Variants in LIPC observed in about 807,000 individuals in gnomAD.
LIPC encodes hepatic triacylglycerol lipase.
LIPC carries 44 observed loss-of-function variants against 50.7 expected under a neutral mutation model. The ratio of observed to expected loss-of-function variants is 0.87; its 90% CI spans 0.68 to 1.11. LIPC has a LOEUF of 1.11. Among genes scored for constraint, LIPC ranks in the 50% most tolerant of loss-of-function variants. The pLI is 0.00. For synonymous variants in LIPC, 271 were observed against 256.4 expected (o/e 1.06, Z -0.54); for missense variants, 697 against 648.2 (o/e 1.08, Z -0.82).
intron 1 of LIPC, among the ~76,000 whole-genome samples, chr15:58,477,116 A>G (rs1488549340): frequency 6.6e-6 from 1 of 152,178 alleles, no homozygotes; most frequent in East Asian, 1.9e-4. Flanking sequence ...TTTCCCTTCG[A>G]CTATAGTCCA....
chr15:58,541,623 G>A (rs1237561877), intron 2 of LIPC, 162 bp from the exon 3 acceptor site: 2 of 732,956 alleles, frequency 2.7e-6, no homozygotes, highest in Non-Finnish European at 4.7e-6. Flanking sequence ...GCCCAAGACA[G>A]CCCCCACAAC....
chr15:58,457,630 A>G (rs1035685632), intron 1 of LIPC, among the ~76,000 whole-genome samples: 2 of 152,174 alleles, frequency 1.3e-5, no homozygotes, highest in Non-Finnish European at 2.9e-5. Context: ...AAAGCTTTCT[A>G]TGACTCAGGC....
intron 1 of LIPC, among the ~76,000 whole-genome samples, chr15:58,458,298 A>G (rs1246516316): frequency 6.6e-6 from 1 of 152,212 alleles, no homozygotes; most frequent in Non-Finnish European, 1.5e-5. Context: ...AAGTTTAGCA[A>G]TGGACTTCCC....
At chr15:58,450,838 G>A (rs1218977856) in intron 1 of LIPC, among the ~76,000 whole-genome samples, 1 of 152,178 alleles carries the variant, frequency 6.6e-6, no homozygotes, top group Non-Finnish European at 1.5e-5. Flanking sequence ...TTTCCCTGCA[G>A]CAGTCAGGGT....
chr15:58,504,016 G>T (rs193155207), intron 1 of LIPC, among the ~76,000 whole-genome samples: 66 of 152,258 alleles, frequency 4.3e-4, no homozygotes, highest in African/African-American at 1.5e-3. Context: ...TTCAAGATAT[G>T]ACAGGACATC....
At chr15:58,537,360 G>C (rs1893160605) in intron 1 of LIPC, among the ~76,000 whole-genome samples, 1 of 152,190 alleles carries the variant, frequency 6.6e-6, no homozygotes, top group African/African-American at 2.4e-5. Context: ...CCAGAAGAGA[G>C]GCTGGAAGGC....
At chr15:58,537,903 G>A (rs964566774) in intron 1 of LIPC, among the ~76,000 whole-genome samples, 3 of 152,194 alleles carry the variant, frequency 2.0e-5, no homozygotes, top group African/African-American at 4.8e-5. Context: ...CAGCTAAGAT[G>A]CTCTATTCAC....
intron 1 of LIPC, among the ~76,000 whole-genome samples, chr15:58,519,026 G>C (rs1208002715): frequency 2.6e-5 from 4 of 152,064 alleles, no homozygotes; most frequent in Non-Finnish European, 5.9e-5. Context: ...GATGACTCTG[G>C]TTACCTTAGA....
At chr15:58,464,562 G>C (rs1894469500) in intron 1 of LIPC, among the ~76,000 whole-genome samples, 1 of 152,204 alleles carries the variant, frequency 6.6e-6, no homozygotes, top group African/African-American at 2.4e-5. Context: ...GCCAGTCCTT[G>C]AATTCTGTCT....
At chr15:58,507,054 G>A (rs1261176549) in intron 1 of LIPC, among the ~76,000 whole-genome samples, 1 of 152,100 alleles carries the variant, frequency 6.6e-6, no homozygotes, top group African/African-American at 2.4e-5. Flanking sequence ...AACAAGCTGG[G>A]GGAAACCACT....
At chr15:58,549,129 G>A (rs1305927727) in intron 6 of LIPC, among the ~76,000 whole-genome samples, 1 of 152,194 alleles carries the variant, frequency 6.6e-6, no homozygotes, top group Non-Finnish European at 1.5e-5. Flanking sequence ...AGTGGGCCCA[G>A]CAGCTCTCTG....
chr15:58,545,721 T>A (rs777385339), intron 4 of LIPC, 21 bp from the exon 5 acceptor site: 1 of 1,608,002 alleles, frequency 6.2e-7, no homozygotes, highest in South Asian at 1.1e-5. Context: ...TGCGTAACCC[T>A]TACCCCTGCT....
intron 1 of LIPC, among the ~76,000 whole-genome samples, chr15:58,469,119 T>TGTGTGTGG (rs1555399020): frequency 1.3e-5 from 2 of 150,592 alleles, no homozygotes; most frequent in Non-Finnish European, 3.0e-5. Context: ...TGTGTGTGTG[T>TGTGTGTGG]GTGTGTGTGT....
At chr15:58,539,962 T>G (rs1321788193) in intron 2 of LIPC, among the ~76,000 whole-genome samples, 1 of 152,220 alleles carries the variant, frequency 6.6e-6, no homozygotes, top group Non-Finnish European at 1.5e-5. Flanking sequence ...GGAGTTCCCG[T>G]GTGGCCCTGA....
intron 5 of LIPC, 57 bp from the exon 6 acceptor site, chr15:58,548,273 G>C: frequency 6.2e-7 from 1 of 1,612,860 alleles, no homozygotes; most frequent in South Asian, 1.1e-5. Flanking sequence ...GTGATCCTCT[G>C]AGTTGAGGCT....
chr15:58,461,707 T>C (rs1456380257), intron 1 of LIPC, among the ~76,000 whole-genome samples: 1 of 151,954 alleles, frequency 6.6e-6, no homozygotes, highest in Non-Finnish European at 1.5e-5. Flanking sequence ...GGTGAGCCAC[T>C]GGGCCCCGCC....
At chr15:58,477,777 G>T (rs1323654117) in intron 1 of LIPC, among the ~76,000 whole-genome samples, 2 of 152,000 alleles carry the variant, frequency 1.3e-5, no homozygotes, top group African/African-American at 4.8e-5. Context: ...TCATTTATAG[G>T]ATAAAATACT....
chr15:58,450,790 C>T (rs796718177), intron 1 of LIPC, among the ~76,000 whole-genome samples: 79 of 152,132 alleles, frequency 5.2e-4, no homozygotes, highest in African/African-American at 1.9e-3. Context: ...TTGATAAGAG[C>T]CCACCGTGCT....
At chr15:58,438,625 A>G (rs1459586555) in intron 1 of LIPC, among the ~76,000 whole-genome samples, 1 of 152,226 alleles carries the variant, frequency 6.6e-6, no homozygotes, top group Non-Finnish European at 1.5e-5. Flanking sequence ...TCTTACATTC[A>G]GGTACCTACT....
Sources: gnomAD v4.1 joint callset for allele counts (sites outside exome capture counted in the v4.1 genomes callset) on GRCh38, gnomAD v4.1.1 for gene constraint, MANE v1.5 for transcripts, NCBI Gene and HGNC (gene_info 2026-07-23, HGNC 2026-07-21) for gene names.